Variants in PCED1B observed in about 807,000 individuals in gnomAD.
PCED1B encodes PC-esterase domain containing 1B.
For missense variants in PCED1B, 573 were observed against 573.9 expected, an observed-to-expected ratio of 1.00 and a Z score of 0.02; for synonymous variants, 251 against 246.1, an observed-to-expected ratio of 1.02 and a Z score of -0.19.
intron 1 of PCED1B, among the ~76,000 whole-genome samples, chr12:47,084,486 C>G (rs1162627910): frequency 6.6e-6 from 1 of 152,184 alleles, no homozygotes; most frequent in Non-Finnish European, 1.5e-5. Flanking sequence ...TTCTCTCAGC[C>G]CCTGGCAACC....
intron 2 of PCED1B, among the ~76,000 whole-genome samples, chr12:47,132,060 G>A (rs190068371): frequency 2.0e-5 from 3 of 152,238 alleles, no homozygotes; most frequent in Admixed American, 2.0e-4. Context: ...AACTTTGCGT[G>A]GAAAGTCATT....
chr12:47,206,094 T>G (rs186928859), intron 2 of PCED1B: 2 of 152,230 alleles, frequency 1.3e-5, no homozygotes. Context: ...CAAGATCAGA[T>G]GAACCAGTTT....
chr12:47,092,040 AT>A (rs932439876), intron 1 of PCED1B, among the ~76,000 whole-genome samples: 1 of 152,092 alleles, frequency 6.6e-6, no homozygotes, highest in African/African-American at 2.4e-5. Context: ...TTTGATATGA[AT>A]TTTAGGAAAA....
In PCED1B at chr12:47,236,312, C is replaced by G. The variant is rs766431910; in HGVS notation, c.1249C>G (p.Arg417Gly). ...CTATACGCCCTGGGGACAGCGGCCT[C>G]GACCTTCAAAGAGAAGGGCCCCAGC... ...GPYTPWGQRP[R>G]PSKRRAPANP... Residue 417 changes from arginine to glycine, a missense_variant, in exon 4 of 4, where the codon CGA (arginine) becomes GGA (glycine). Transcript: ENST00000546455. 6.8e-6 allele frequency: 11 copies of G among 1,612,890 alleles called. No individual in the cohort carries two copies. Among genetic ancestry groups the G allele is most frequent in the South Asian group, 1.1e-5 (1 of 90,936 alleles).
intron 2 of PCED1B, among the ~76,000 whole-genome samples, chr12:47,108,740 T>C (rs1436034715): frequency 1.3e-5 from 2 of 152,228 alleles, no homozygotes; most frequent in Non-Finnish European, 2.9e-5. Flanking sequence ...TTTTCTTCTC[T>C]TCTTTAAACT....
chr12:47,153,858 A>T (rs568044548), intron 2 of PCED1B, among the ~76,000 whole-genome samples: 1 of 152,054 alleles, frequency 6.6e-6, no homozygotes, highest in South Asian at 2.1e-4. Flanking sequence ...GTTTGTTTCC[A>T]TGGGAAGACT....
intron 2 of PCED1B, among the ~76,000 whole-genome samples, chr12:47,176,563 C>G (rs1941931104): frequency 6.6e-6 from 1 of 152,244 alleles, no homozygotes; most frequent in Non-Finnish European, 1.5e-5. Context: ...TCTCTTCCAT[C>G]TGGCTGTTCA....
At chr12:47,122,408 T>A (rs994622473) in intron 2 of PCED1B, among the ~76,000 whole-genome samples, 1 of 152,218 alleles carries the variant, frequency 6.6e-6, no homozygotes, top group African/African-American at 2.4e-5. Flanking sequence ...ATCCAGAACT[T>A]TACATTTCAC....
intron 1 of PCED1B, among the ~76,000 whole-genome samples, chr12:47,089,962 AG>A (rs890557424): frequency 2.6e-5 from 4 of 152,116 alleles, no homozygotes; most frequent in African/African-American, 4.8e-5. Context: ...CAGCAGAGAC[AG>A]GGTTTCACCA....
At chr12:47,119,116 G>A (rs1396601866) in intron 2 of PCED1B, among the ~76,000 whole-genome samples, 1 of 152,128 alleles carries the variant, frequency 6.6e-6, no homozygotes, top group East Asian at 1.9e-4. Context: ...CAACAGTGAT[G>A]CAAAAACGTT....
chr12:47,224,693 A>G (rs1943582278), intron 3 of PCED1B, among the ~76,000 whole-genome samples: 2 of 152,166 alleles, frequency 1.3e-5, no homozygotes, highest in African/African-American at 2.4e-5. Flanking sequence ...TACAGGCTAT[A>G]TGGCGTGGTT....
At chr12:47,105,487 T>C (rs1938906539) in intron 2 of PCED1B, among the ~76,000 whole-genome samples, 1 of 152,152 alleles carries the variant, frequency 6.6e-6, no homozygotes, top group Non-Finnish European at 1.5e-5. Flanking sequence ...TGTGTAGTGC[T>C]GTGCATGCAG....
chr12:47,092,919 A>C (rs187376196), intron 1 of PCED1B, among the ~76,000 whole-genome samples: 3 of 152,166 alleles, frequency 2.0e-5, no homozygotes, highest in African/African-American at 7.2e-5. Flanking sequence ...ATTTTTAAGT[A>C]ATGTTTATGA....
rs137877531 is a variant in PCED1B at position 47,146,156 on chromosome 12, A to T, written c.-526+41961A>T. ...CAGTGGAGGAAGTAACTGCAGATGT[A>T]GCGCAAATAGCAATGCAACTAGAAA... On this transcript the variant is annotated intron_variant, in intron 2 of 3. Coordinates refer to ENST00000546455, the MANE Select transcript of PCED1B (RefSeq NM_138371.3). Among the ~76,000 whole-genome samples, 229 of 152,350 alleles carry T rather than the reference A, an allele frequency of 1.5e-3. 1 individual carries two copies. Among genetic ancestry groups the T allele is most frequent in the Middle Eastern group, 0.014 (4 of 294 alleles).
intron 2 of PCED1B, among the ~76,000 whole-genome samples, chr12:47,214,637 A>G (rs11183803): frequency 0.19 from 29,209 of 151,936 alleles, 2,911 homozygotes; most frequent in South Asian, 0.3. Flanking sequence ...TTGAGACCAA[A>G]TCTCAATTCA....
In PCED1B at chr12:47,142,673, G is replaced by GA. The variant is rs201463349; in HGVS notation, c.-526+38486dup. 5.6e-3 allele frequency among the ~76,000 whole-genome samples: 855 copies of GA among 151,568 alleles called. 11 individuals carry two copies. The highest frequency in any genetic ancestry group is 0.02 in the African/African-American group (812 of 41,372). On this transcript the variant is annotated intron_variant, in intron 2 of 3. Transcript: ENST00000546455. ...GAGCTGAGGAATATAATGACAGAAT[G>GA]AAAAAAAATCAGTAGAGAGCTTCAA...
chr12:47,090,318 C>A (rs995938072), intron 1 of PCED1B, among the ~76,000 whole-genome samples: 1 of 152,082 alleles, frequency 6.6e-6, no homozygotes, highest in East Asian at 1.9e-4. Flanking sequence ...GAGAAAAAAG[C>A]CAGTGCCCAG....
chr12:47,148,874 A>G (rs1940889368), intron 2 of PCED1B, among the ~76,000 whole-genome samples: 1 of 152,198 alleles, frequency 6.6e-6, no homozygotes, highest in Non-Finnish European at 1.5e-5. Context: ...TGTTTTCAAC[A>G]TTTGTCACTC....
At chr12:47,116,270 C>T (rs1939414723) in intron 2 of PCED1B, among the ~76,000 whole-genome samples, 1 of 151,722 alleles carries the variant, frequency 6.6e-6, no homozygotes. Context: ...TAAGCTCTGT[C>T]CTCACCAATA....
Sources: gnomAD v4.1 joint callset for allele counts (sites outside exome capture counted in the v4.1 genomes callset) on GRCh38, gnomAD v4.1.1 for gene constraint, MANE v1.5 for transcripts, NCBI Gene and HGNC (gene_info 2026-07-23, HGNC 2026-07-21) for gene names.